PCCA: variants seen among roughly 807,000 people sequenced by gnomAD.
PCCA encodes propionyl-CoA carboxylase alpha chain, mitochondrial.
A neutral mutation model predicts 101.3 loss-of-function variants in PCCA; 74 were observed. The ratio of observed to expected loss-of-function variants is 0.73; its 90% CI spans 0.61 to 0.89. The LOEUF (loss-of-function observed/expected upper bound fraction) is 0.89, where lower values mean the gene tolerates loss of function less well. Among genes scored for constraint, PCCA ranks in the 40% least tolerant of loss-of-function variants. The pLI, the probability that PCCA is intolerant of heterozygous loss-of-function variation, is 0.00. For missense variants in PCCA, 891 were observed against 907.0 expected, an observed-to-expected ratio of 0.98 and a Z score of 0.23; for synonymous variants, 294 against 313.6, an observed-to-expected ratio of 0.94 and a Z score of 0.66.
chr13:100,251,466 T>C (rs2061749070), intron 8 of PCCA, among the ~76,000 whole-genome samples: 1 of 152,200 alleles, frequency 6.6e-6, no homozygotes, highest in Non-Finnish European at 1.5e-5. Flanking sequence ...ACTTTGCATG[T>C]TATTCTTTAG....
intron 4 of PCCA, among the ~76,000 whole-genome samples, chr13:100,146,216 C>T (rs1252009325): frequency 1.3e-5 from 2 of 150,718 alleles, no homozygotes; most frequent in African/African-American, 2.4e-5. Flanking sequence ...GCTGGGATTA[C>T]AGGCGTGAGC....
chr13:100,278,373 A>G (rs1055730233), intron 12 of PCCA, among the ~76,000 whole-genome samples: 4 of 151,752 alleles, frequency 2.6e-5, no homozygotes, highest in Non-Finnish European at 4.4e-5. Context: ...GCAGTTTGTT[A>G]TTCTGTTCTT....
intron 17 of PCCA, among the ~76,000 whole-genome samples, chr13:100,337,488 A>G (rs2070679162): frequency 6.6e-6 from 1 of 152,230 alleles, no homozygotes; most frequent in South Asian, 2.1e-4. Flanking sequence ...GCCTGTGATC[A>G]GGAGTAGCAT....
At chr13:100,296,157 T>A (rs1240450204) in intron 12 of PCCA, among the ~76,000 whole-genome samples, 1 of 152,174 alleles carries the variant, frequency 6.6e-6, no homozygotes, top group Non-Finnish European at 1.5e-5. Context: ...GTTGGTCAAG[T>A]CAGATGTCTT....
At chr13:100,143,522 G>A (rs1176573957) in intron 4 of PCCA, among the ~76,000 whole-genome samples, 2 of 142,752 alleles carry the variant, frequency 1.4e-5, no homozygotes, top group Admixed American at 7.2e-5. Context: ...GTGACAGAGC[G>A]AGACTCTGCA....
chr13:100,317,908 A>G (rs548308859), intron 16 of PCCA, among the ~76,000 whole-genome samples: 3 of 152,236 alleles, frequency 2.0e-5, no homozygotes, highest in African/African-American at 7.2e-5. Context: ...CATTCTTGCC[A>G]TCAGTCCCTG....
intron 19 of PCCA, among the ~76,000 whole-genome samples, chr13:100,413,364 T>C (rs2078169276): frequency 6.6e-6 from 1 of 152,178 alleles, no homozygotes; most frequent in African/African-American, 2.4e-5. Context: ...GCTTAGGTAA[T>C]GGGATTTATT....
intron 6 of PCCA, among the ~76,000 whole-genome samples, chr13:100,205,834 A>G (rs1447880513): frequency 6.6e-6 from 1 of 152,188 alleles, no homozygotes; most frequent in African/African-American, 2.4e-5. Flanking sequence ...TGGAAAGACA[A>G]TTGATGGTTG....
chr13:100,117,858 T>C (rs1034078779), intron 4 of PCCA, among the ~76,000 whole-genome samples: 21 of 151,906 alleles, frequency 1.4e-4, no homozygotes, highest in Non-Finnish European at 2.5e-4. Flanking sequence ...GGCTCACGCC[T>C]GTAATCCCAG....
intron 20 of PCCA, among the ~76,000 whole-genome samples, chr13:100,433,808 G>T (rs1005888561): frequency 5.3e-5 from 8 of 152,196 alleles, no homozygotes; most frequent in African/African-American, 1.9e-4. Context: ...CATCATAAGG[G>T]TGTCCATGGC....
At chr13:100,513,285 C>G (rs2086616241) in intron 21 of PCCA, among the ~76,000 whole-genome samples, 1 of 152,230 alleles carries the variant, frequency 6.6e-6, no homozygotes, top group African/African-American at 2.4e-5. Context: ...GCACCAAGGC[C>G]TCTCTGGAGG....
chr13:100,407,596 G>A (rs530239012), intron 19 of PCCA, among the ~76,000 whole-genome samples: 1 of 152,172 alleles, frequency 6.6e-6, no homozygotes, highest in Non-Finnish European at 1.5e-5. Flanking sequence ...TATACCTTTT[G>A]GAATTTAGTC....
chr13:100,393,934 A>T (rs1180405342), intron 19 of PCCA, among the ~76,000 whole-genome samples: 1 of 152,238 alleles, frequency 6.6e-6, no homozygotes, highest in Non-Finnish European at 1.5e-5. Flanking sequence ...GAAATTTCAG[A>T]TAGTGATACA....
chr13:100,297,757 A>G (rs781755634), intron 12 of PCCA, among the ~76,000 whole-genome samples: 3 of 152,204 alleles, frequency 2.0e-5, no homozygotes, highest in Non-Finnish European at 4.4e-5. Context: ...ATGGCATGAG[A>G]TGTTATAAGG....
chr13:100,112,970 A>G (rs1465542476), intron 4 of PCCA, among the ~76,000 whole-genome samples: 1 of 152,226 alleles, frequency 6.6e-6, no homozygotes, highest in Non-Finnish European at 1.5e-5. Context: ...TATGGCATGA[A>G]ATATAAGTAG....
At chr13:100,514,928 A>G (rs368577628) in intron 21 of PCCA, among the ~76,000 whole-genome samples, 25 of 152,336 alleles carry the variant, frequency 1.6e-4, no homozygotes, top group East Asian at 1.5e-3. Context: ...TTTGCCCAAA[A>G]TGAACACTGA....
Position 100,484,960 on chromosome 13 carries a change from T to C in PCCA, c.1900-30467T>C, listed in dbSNP as rs9518079. 1.3e-3 allele frequency among the ~76,000 whole-genome samples: 201 copies of C among 152,314 alleles called. 1 individual carries two copies. In the South Asian group the frequency reaches 0.016, roughly 12 times the overall value. ...GGACCTAGGGCTGTTCTTAGAAATA[T>C]AGGCCTGAGACGACTTAAATTTCAC... On this transcript the variant is annotated intron_variant, in intron 21 of 23. Coordinates refer to ENST00000376285, the MANE Select transcript of PCCA (RefSeq NM_000282.4).
At chr13:100,221,253 C>T (rs931049328) in intron 7 of PCCA, among the ~76,000 whole-genome samples, 1 of 152,286 alleles carries the variant, frequency 6.6e-6, no homozygotes, top group African/African-American at 2.4e-5. Flanking sequence ...TTTATTCCTA[C>T]AGTTGTTGAA....
At chr13:100,508,945 C>A (rs756556264) in intron 21 of PCCA, among the ~76,000 whole-genome samples, 1 of 151,900 alleles carries the variant, frequency 6.6e-6, no homozygotes. Flanking sequence ...CTTGCAGTTG[C>A]GATCCAGGTG....
Sources: allele counts gnomAD v4.1 joint callset (sites outside exome capture counted in the v4.1 genomes callset), GRCh38; gene constraint gnomAD v4.1.1; transcripts MANE v1.5; gene names NCBI Gene and HGNC (gene_info 2026-07-23, HGNC 2026-07-21).